Variants in PRKN observed in about 807,000 individuals in gnomAD.
The protein encoded by PRKN is parkin RBR E3 ubiquitin protein ligase, also known as E3 ubiquitin-protein ligase parkin.
Under a neutral mutation model 59.5 loss-of-function variants are expected in PRKN, and 56 were observed. That is an observed-to-expected ratio of 0.94 (90% confidence interval 0.76 to 1.18). PRKN has a LOEUF of 1.18. Among genes scored for constraint, PRKN ranks in the 50% most tolerant of loss-of-function variants. The pLI, the probability that PRKN is intolerant of heterozygous loss-of-function variation, is 0.00. For missense variants in PRKN, 657 were observed against 596.4 expected, an observed-to-expected ratio of 1.10 and a Z score of -1.06; for synonymous variants, 250 against 222.1, an observed-to-expected ratio of 1.13 and a Z score of -1.12.
Position 161,566,804 on chromosome 6 carries a change from T to A in PRKN, c.933+2551A>T, listed in dbSNP as rs542360392. ...TCCCCTCCCCTCCACCAGTCACACTTGTTTCTGGACTATTATGAATGTTAA... is the reference window on the plus strand; with the variant it reads ...TCCCCTCCCCTCCACCAGTCACACTAGTTTCTGGACTATTATGAATGTTAA... On this transcript the variant is annotated intron_variant, in intron 8 of 11. Coordinates refer to ENST00000366898, the MANE Select transcript of PRKN (RefSeq NM_004562.3). The surrounding 1 kb of genome is among the most constrained non-coding windows in gnomAD (Gnocchi z 4.1). Among the ~76,000 whole-genome samples the A allele has an allele frequency of 6.6e-6, 1 of 152,230 alleles. No individual in the cohort carries two copies. Among genetic ancestry groups the A allele is most frequent in the South Asian group, 2.1e-4 (1 of 4,822 alleles).
intron 7 of PRKN, among the ~76,000 whole-genome samples, chr6:161,672,341 T>C (rs886252338): frequency 1.3e-5 from 2 of 152,236 alleles, no homozygotes; most frequent in African/African-American, 4.8e-5. Context: ...TTTATGCCCA[T>C]GTAAATGTCT....
intron 1 of PRKN, among the ~76,000 whole-genome samples, chr6:162,686,625 A>G (rs1023757774): frequency 6.6e-6 from 1 of 152,210 alleles, no homozygotes; most frequent in African/African-American, 2.4e-5. Context: ...TTTAAAAGGT[A>G]GCCTAGCTAG....
intron 1 of PRKN, among the ~76,000 whole-genome samples, chr6:162,563,711 G>C (rs1035560881): frequency 9.9e-5 from 15 of 152,140 alleles, no homozygotes; most frequent in Non-Finnish European, 2.1e-4. Context: ...AGAGCTATGT[G>C]ACCTTTCAGA....
intron 3 of PRKN, among the ~76,000 whole-genome samples, chr6:162,249,922 A>C (rs966898391): frequency 2.0e-5 from 3 of 152,110 alleles, no homozygotes; most frequent in Non-Finnish European, 4.4e-5. Context: ...AGGCAGAGGG[A>C]TCACCTTGAA....
At chr6:162,418,613 A>AGT (rs140621171) in intron 2 of PRKN, among the ~76,000 whole-genome samples, 28,797 of 126,282 alleles carry the variant, frequency 0.23, 3,272 homozygotes, top group Admixed American at 0.29. Context: ...AGGGACAGAC[A>AGT]GTGTGTGTGT....
At chr6:161,553,498 T>C (rs1046158105) in intron 8 of PRKN, among the ~76,000 whole-genome samples, 2 of 152,192 alleles carry the variant, frequency 1.3e-5, no homozygotes, top group Non-Finnish European at 2.9e-5. Context: ...ATAGATGGTG[T>C]TTTGTACTTC....
At chr6:162,291,413 G>A (rs1781422187) in intron 2 of PRKN, among the ~76,000 whole-genome samples, 1 of 151,908 alleles carries the variant, frequency 6.6e-6, no homozygotes. Flanking sequence ...GGTGGGATGG[G>A]GGGGAAGGGA....
intron 1 of PRKN, among the ~76,000 whole-genome samples, chr6:162,623,894 C>T (rs1782775553): frequency 6.6e-6 from 1 of 152,134 alleles, no homozygotes; most frequent in Non-Finnish European, 1.5e-5. Flanking sequence ...GGCAGAGATG[C>T]TTCACAGCCT....
At chr6:161,973,163 C>T in intron 6 of PRKN, 139 bp downstream of exon 6, 1 of 689,174 alleles carries the variant, frequency 1.5e-6, no homozygotes, top group South Asian at 1.6e-5. Context: ...AAAGCAGACA[C>T]TCCCCAGGAA....
chr6:162,684,242 C>A (rs909300541), intron 1 of PRKN, among the ~76,000 whole-genome samples: 1 of 151,964 alleles, frequency 6.6e-6, no homozygotes, highest in African/African-American at 2.4e-5. Context: ...ATGCCAAGAT[C>A]CTCTGATTTT....
chr6:162,552,154 T>G (rs1779355325), intron 1 of PRKN, among the ~76,000 whole-genome samples: 1 of 152,166 alleles, frequency 6.6e-6, no homozygotes, highest in Non-Finnish European at 1.5e-5. Context: ...TCCGGCTTGT[T>G]GCACAAATGG....
intron 1 of PRKN, among the ~76,000 whole-genome samples, chr6:162,581,762 A>AATAT (rs34189016): frequency 2.0e-5 from 3 of 151,990 alleles, no homozygotes; most frequent in East Asian, 3.9e-4. Flanking sequence ...TCTGTCTCAA[A>AATAT]ATATATATAT....
chr6:162,192,132 G>T (rs1784304762), intron 4 of PRKN, among the ~76,000 whole-genome samples: 1 of 152,094 alleles, frequency 6.6e-6, no homozygotes, highest in South Asian at 2.1e-4. Flanking sequence ...GTAGTATCAA[G>T]AAATATTTCT....
At chr6:162,079,314 G>A (rs184913394) in intron 4 of PRKN, among the ~76,000 whole-genome samples, 9 of 152,274 alleles carry the variant, frequency 5.9e-5, no homozygotes, top group Non-Finnish European at 8.8e-5. Flanking sequence ...CAGATACTCC[G>A]TTGCCCAACT....
chr6:162,354,974 ATT>A (rs1280828546), intron 2 of PRKN, among the ~76,000 whole-genome samples: 2 of 151,978 alleles, frequency 1.3e-5, no homozygotes, highest in Non-Finnish European at 2.9e-5. Flanking sequence ...AAAAAATAAT[ATT>A]GTTACTCTCA....
intron 3 of PRKN, among the ~76,000 whole-genome samples, chr6:162,218,490 A>G (rs1383148153): frequency 6.6e-6 from 1 of 152,244 alleles, no homozygotes; most frequent in African/African-American, 2.4e-5. Context: ...CCTGTTCTGG[A>G]GTGCCTCTGT....
At chr6:162,606,843 A>G (rs1781938804) in intron 1 of PRKN, among the ~76,000 whole-genome samples, 1 of 152,140 alleles carries the variant, frequency 6.6e-6, no homozygotes, top group African/African-American at 2.4e-5. Context: ...CAGCCTCCCA[A>G]GTAGCTGGGA....
Position 161,388,981 on chromosome 6 carries a change from T to C in PRKN, c.1084-2104A>G, listed in dbSNP as rs115322557. On this transcript the variant is annotated intron_variant, in intron 9 of 11. Transcript: ENST00000366898. The surrounding 1 kb of genome is among the most constrained non-coding windows in gnomAD (Gnocchi z 4.3). Reference sequence around the variant, plus strand: ...AAATAAGAATATAATATGCTGAAAGTAGTGTCTGGAAGATTCAAAAATTTA... The same window carrying C: ...AAATAAGAATATAATATGCTGAAAGCAGTGTCTGGAAGATTCAAAAATTTA... Among the ~76,000 whole-genome samples, 1,346 of 152,356 alleles carry C rather than the reference T, an allele frequency of 8.8e-3. 20 individuals are homozygous for C. Among genetic ancestry groups the C allele is most frequent in the African/African-American group, 0.03 (1,257 of 41,584 alleles).
At chr6:162,157,928 T>C (rs1253507352) in intron 4 of PRKN, among the ~76,000 whole-genome samples, 1 of 152,114 alleles carries the variant, frequency 6.6e-6, no homozygotes, top group African/African-American at 2.4e-5. Context: ...CTCAACATTT[T>C]GTTGCAACTT....
Sources: gnomAD v4.1 joint callset for allele counts (sites outside exome capture counted in the v4.1 genomes callset) on GRCh38, gnomAD v4.1.1 for gene constraint, Gnocchi (gnomAD v3.1) non-coding constraint, MANE v1.5 for transcripts, NCBI Gene and HGNC (gene_info 2026-07-23, HGNC 2026-07-21) for gene names.